AHCYL2: variants seen among roughly 807,000 people sequenced by gnomAD.
AHCYL2 encodes the protein S-adenosylhomocysteine hydrolase-like protein 2.
AHCYL2 carries 28 observed loss-of-function variants against 81.4 expected under a neutral mutation model. The ratio of observed to expected loss-of-function variants is 0.34; its 90% confidence interval spans 0.25 to 0.47. The LOEUF is 0.47. Among genes scored for constraint, AHCYL2 ranks in the 20% least tolerant of loss-of-function variants. The pLI, the probability that AHCYL2 is intolerant of heterozygous loss-of-function variation, is 1.00. For synonymous variants in AHCYL2, 272 were observed against 290.2 expected, an observed-to-expected ratio of 0.94 and a Z score of 0.64; for missense variants, 551 against 785.1, an observed-to-expected ratio of 0.70 and a Z score of 3.56.
chr7:129,302,606 A>G (rs1015660566), intron 1 of AHCYL2, among the ~76,000 whole-genome samples: 4 of 152,206 alleles, frequency 2.6e-5, no homozygotes, highest in African/African-American at 9.7e-5. Context: ...TTTCAGCATC[A>G]GTTGAAATGA....
intron 1 of AHCYL2, among the ~76,000 whole-genome samples, chr7:129,347,451 C>T (rs936276076): frequency 6.6e-6 from 1 of 152,086 alleles, no homozygotes; most frequent in Non-Finnish European, 1.5e-5. Context: ...GCTCTTTAAA[C>T]GTCTATTTTT....
rs975663537 is a variant in AHCYL2, at chr7:129,359,559, T to G, written c.364-20079T>G. On this transcript the variant is annotated intron_variant, in intron 1 of 16. Coordinates refer to ENST00000325006, the MANE Select transcript of AHCYL2 (RefSeq NM_015328.4). ...CGAGAAGCACACATTCTACATTCATTTAATGGCATTATGTTTCATTATTTA... is the reference window on the plus strand; with the variant it reads ...CGAGAAGCACACATTCTACATTCATGTAATGGCATTATGTTTCATTATTTA... 8.5e-5 allele frequency among the ~76,000 whole-genome samples: 13 copies of G among 152,382 alleles called. 2 individuals carry two copies. Among genetic ancestry groups the G allele is most frequent in the Admixed American group, 4.6e-4 (7 of 15,308 alleles).
Position 129,321,743 on chromosome 7 carries a change from G to GTTTTTTTTTTTT in AHCYL2, c.364-57885_364-57874dup. Among the ~76,000 whole-genome samples the GTTTTTTTTTTTT allele has an allele frequency of 4.1e-3, 315 of 77,350 alleles. 1 individual carries two copies. Among genetic ancestry groups the GTTTTTTTTTTTT allele is most frequent in the Non-Finnish European group, 5.0e-3 (200 of 39,742 alleles). 50.7% of individuals were successfully genotyped at this position (77,350 alleles called of 152,430 possible). A position where few individuals can be genotyped will look rare whatever the true frequency, so the allele number is the denominator to read the frequency against. ...TGTATGGAATTTGTATTCTTTCTTT[G>GTTTTTTTTTTTT]TTTTTTTTTTTTTTTTTTTTTGGTC... On this transcript the variant is annotated intron_variant, in intron 1 of 16. Coordinates refer to ENST00000325006, the MANE Select transcript of AHCYL2 (RefSeq NM_015328.4).
intron 1 of AHCYL2, among the ~76,000 whole-genome samples, chr7:129,340,384 G>A (rs982378540): frequency 6.6e-6 from 1 of 150,808 alleles, no homozygotes; most frequent in South Asian, 2.1e-4. Flanking sequence ...TGGCTAACAC[G>A]GTGAAACCCC....
At chr7:129,283,958 A>C (rs1796537977) in intron 1 of AHCYL2, among the ~76,000 whole-genome samples, 1 of 152,202 alleles carries the variant, frequency 6.6e-6, no homozygotes, top group South Asian at 2.1e-4. Flanking sequence ...CTATTTAAAA[A>C]ATTTTAATAT....
At chr7:129,349,099 A>C (rs1371419765) in intron 1 of AHCYL2, among the ~76,000 whole-genome samples, 1 of 152,186 alleles carries the variant, frequency 6.6e-6, no homozygotes, top group Non-Finnish European at 1.5e-5. Flanking sequence ...TAGGCAAGTA[A>C]TTTAAACTTT....
intron 1 of AHCYL2, among the ~76,000 whole-genome samples, chr7:129,292,083 T>TA (rs1304738497): frequency 6.6e-6 from 1 of 152,168 alleles, no homozygotes; most frequent in Non-Finnish European, 1.5e-5. Context: ...TGTATTACTG[T>TA]AAAAAAATTA....
At chr7:129,265,659 GT>G (rs1795790647) in intron 1 of AHCYL2, among the ~76,000 whole-genome samples, 1 of 152,166 alleles carries the variant, frequency 6.6e-6, no homozygotes, top group African/African-American at 2.4e-5. Context: ...GTCATGTATG[GT>G]GTTAATAGGT....
intron 1 of AHCYL2, among the ~76,000 whole-genome samples, chr7:129,248,337 A>T (rs1309574846): frequency 6.6e-6 from 1 of 152,190 alleles, no homozygotes; most frequent in Non-Finnish European, 1.5e-5. Context: ...CGAGTCCCTT[A>T]TATAAAATGG....
intron 1 of AHCYL2, among the ~76,000 whole-genome samples, chr7:129,343,327 CA>C (rs1793251594): frequency 6.6e-6 from 1 of 152,042 alleles, no homozygotes; most frequent in Non-Finnish European, 1.5e-5. Context: ...ATGAACTTAG[CA>C]TTAATTTTCA....
chr7:129,379,458 T>A (rs570899738), intron 1 of AHCYL2, among the ~76,000 whole-genome samples, 180 bp from the exon 2 acceptor site: 8 of 145,276 alleles, frequency 5.5e-5, no homozygotes, highest in Non-Finnish European at 3.0e-5. Flanking sequence ...CATCTCTATT[T>A]AAAAAAAAAA....
chr7:129,289,204 C>T (rs1796749505), intron 1 of AHCYL2, among the ~76,000 whole-genome samples: 1 of 152,220 alleles, frequency 6.6e-6, no homozygotes, highest in African/African-American at 2.4e-5. Context: ...ATCCTCCTGC[C>T]TCAGCCTGCC....
At chr7:129,263,717 C>G (rs1795720363) in intron 1 of AHCYL2, among the ~76,000 whole-genome samples, 1 of 152,144 alleles carries the variant, frequency 6.6e-6, no homozygotes, top group African/African-American at 2.4e-5. Flanking sequence ...TGCATTTTAG[C>G]AAGATTACTT....
At position 129,225,332 on chromosome 7, in the gene AHCYL2, A is replaced by T; in HGVS notation, c.256A>T (p.Met86Leu). The part of the protein sequence containing the change: ...AAGKVPQASA[M>L]KRSDPHHQHQ... ...CGGGAAGGTGCCTCAGGCGTCGGCC[A>T]TGAAGCGGAGCGACCCACATCACCA... Residue 86 changes from methionine to leucine, a missense_variant, in exon 1 of 17, where the codon ATG becomes TTG. Coordinates refer to ENST00000325006, the MANE Select transcript of AHCYL2 (RefSeq NM_015328.4). 1 of 1,498,760 alleles carries T rather than the reference A, an allele frequency of 6.7e-7. No individual in the cohort carries two copies. The highest frequency in any genetic ancestry group is 8.8e-7 in the Non-Finnish European group (1 of 1,131,532). 92.8% of individuals were successfully genotyped at this position (1,498,760 alleles called of 1,614,324 possible).
At chr7:129,355,566 A>T (rs1793709572) in intron 1 of AHCYL2, among the ~76,000 whole-genome samples, 1 of 152,176 alleles carries the variant, frequency 6.6e-6, no homozygotes, top group Non-Finnish European at 1.5e-5. Flanking sequence ...GAATGTAACT[A>T]CCTCAAATAA....
At chr7:129,262,489 G>A (rs757896903) in intron 1 of AHCYL2, among the ~76,000 whole-genome samples, 4 of 152,194 alleles carry the variant, frequency 2.6e-5, no homozygotes, top group Non-Finnish European at 5.9e-5. Flanking sequence ...GCCTCACTGC[G>A]CATCCTCTGT....
chr7:129,229,061 CTTTTTTTTTTTT>C (rs59291148), intron 1 of AHCYL2, among the ~76,000 whole-genome samples: 16 of 144,724 alleles, frequency 1.1e-4, no homozygotes, highest in African/African-American at 7.8e-5. Context: ...AATAATTAGC[CTTTTTTTTTTTT>C]TTTTTTTTTT....
Position 129,406,086 on chromosome 7 carries a change from T to C in AHCYL2, c.1206+187T>C, listed in dbSNP as rs1048735768. ...TGCGTTGCCGCCATTTTCCCTTAAG[T>C]TGATTTTCTGACTTGCTCCAGTACC... On this transcript the variant is annotated intron_variant, in intron 9 of 16. Coordinates refer to ENST00000325006, the MANE Select transcript of AHCYL2 (RefSeq NM_015328.4). The surrounding 1 kb of genome is among the most constrained non-coding windows in gnomAD (Gnocchi z 4.3). Among the ~76,000 whole-genome samples, 1 of 152,246 alleles carries C rather than the reference T, an allele frequency of 6.6e-6. No homozygotes were observed. Among genetic ancestry groups the C allele is most frequent in the East Asian group, 1.9e-4 (1 of 5,204 alleles).
At chr7:129,334,292 G>GCTA (rs1204963587) in intron 1 of AHCYL2, among the ~76,000 whole-genome samples, 2 of 152,156 alleles carry the variant, frequency 1.3e-5, no homozygotes, top group African/African-American at 4.8e-5. Context: ...TCAAAGTTAT[G>GCTA]CTACCTTCAT....
Sources: allele counts gnomAD v4.1 joint callset (sites outside exome capture counted in the v4.1 genomes callset), GRCh38; gene constraint gnomAD v4.1.1; non-coding constraint Gnocchi (gnomAD v3.1); transcripts MANE v1.5; gene names NCBI Gene and HGNC (gene_info 2026-07-23, HGNC 2026-07-21).